IGF2BP2: variants seen among roughly 807,000 people sequenced by gnomAD.
The protein encoded by IGF2BP2 is insulin like growth factor 2 mRNA binding protein 2.
IGF2BP2 carries 17 observed loss-of-function variants against 75.8 expected under a neutral mutation model. The ratio of observed to expected loss-of-function variants is 0.22; its 90% CI spans 0.15 to 0.34. The LOEUF (loss-of-function observed/expected upper bound fraction) is 0.34, where lower values mean the gene tolerates loss of function less well. IGF2BP2 is among the 10% of genes least tolerant of loss of function. The pLI is 1.00. For synonymous variants in IGF2BP2, 288 were observed against 295.6 expected (o/e 0.97, Z 0.26); for missense variants, 516 against 772.4 (o/e 0.67, Z 3.93).
At chr3:185,696,742 A>C in intron 3 of IGF2BP2, 79 bp from the exon 4 acceptor site, 1 of 1,127,824 alleles carries the variant, frequency 8.9e-7, no homozygotes, top group East Asian at 2.3e-5. Flanking sequence ...ATACCCCAGC[A>C]AACAAATTAA....
At position 185,645,337 on chromosome 3, in the gene IGF2BP2, C is replaced by G. The variant is rs1713324738; in HGVS notation, c.*194G>C. 5.2e-6 allele frequency: 3 copies of G among 572,594 alleles called. No homozygotes were observed. The allele number at this position is 572,594 out of a possible 1,614,324, so 35.5% of individuals were successfully genotyped here. On this transcript the variant is annotated 3_prime_UTR_variant, in exon 16 of 16. Coordinates refer to ENST00000382199, the MANE Select transcript of IGF2BP2 (RefSeq NM_006548.6). This position sits in a 1 kb window ranked among gnomAD's most constrained non-coding sequence, Gnocchi z 4.9. ...GGCTCGGTGGTTCTGGCAAACCTGG[C>G]TGACCTTCCCCGCCCCTCCTCGGCC...
chr3:185,658,370 G>C lies in IGF2BP2; in HGVS notation c.1240C>G (p.Gln414Glu). The C allele has an allele frequency of 6.2e-7, 1 of 1,614,004 alleles. No homozygotes were observed. The highest frequency in any genetic ancestry group is 1.1e-5 in the South Asian group (1 of 91,068). Residue 414 changes from glutamine (Q) to glutamate (E), a missense_variant, in exon 11 of 16, where the codon CAG becomes GAG. Coordinates refer to ENST00000382199, the MANE Select transcript of IGF2BP2 (RefSeq NM_006548.6). ...TGATGATGCGGGAACGGGCCAAACT[G>C]GTGATGGGGGTACAGGCTGGAGAAG... ...GYFSSLYPHH[Q>E]FGPFPHHHSY...
chr3:185,801,806 G>C (rs994678324), intron 2 of IGF2BP2, among the ~76,000 whole-genome samples: 3 of 152,034 alleles, frequency 2.0e-5, no homozygotes, highest in Non-Finnish European at 2.9e-5. Flanking sequence ...AGAAAATGTG[G>C]CACACATACA....
Position 185,644,369 on chromosome 3 carries a change from C to T in IGF2BP2, c.*1162G>A, listed in dbSNP as rs1276104255. On this transcript the variant is annotated 3_prime_UTR_variant, in exon 16 of 16. Transcript: ENST00000382199. Reference sequence around the variant, plus strand: ...TTGCTGAATATTGATGGCTTATACACCAAAATGCAAAAAGACAAAATACAT... The same window carrying T: ...TTGCTGAATATTGATGGCTTATACATCAAAATGCAAAAAGACAAAATACAT... 4 of 152,218 alleles carry T rather than the reference C, an allele frequency of 2.6e-5. No homozygotes were observed. Among genetic ancestry groups the T allele is most frequent in the African/African-American group, 7.3e-5 (3 of 41,286 alleles). The allele number at this position is 152,218 out of a possible 1,614,324, so 9.4% of individuals were successfully genotyped here. A position where few individuals can be genotyped will look rare whatever the true frequency, so the allele number is the denominator to read the frequency against.
intron 10 of IGF2BP2, among the ~76,000 whole-genome samples, chr3:185,660,491 T>A (rs1716245621): frequency 6.6e-6 from 1 of 152,222 alleles, no homozygotes; most frequent in Non-Finnish European, 1.5e-5. Context: ...CTTGAGGAGC[T>A]GCTCCAGGGC....
intron 2 of IGF2BP2, among the ~76,000 whole-genome samples, chr3:185,774,570 G>A (rs1486394072): frequency 1.3e-5 from 2 of 150,220 alleles, no homozygotes; most frequent in Non-Finnish European, 3.0e-5. Flanking sequence ...ACTCCAGCCT[G>A]GGCAACAGAG....
intron 2 of IGF2BP2, among the ~76,000 whole-genome samples, chr3:185,699,282 T>G (rs938637013): frequency 5.9e-5 from 9 of 152,166 alleles, no homozygotes; most frequent in African/African-American, 1.4e-4. Context: ...ATCATACAGA[T>G]TCTATTTATA....
intron 2 of IGF2BP2, among the ~76,000 whole-genome samples, chr3:185,821,380 T>C (rs941215639): frequency 8.5e-5 from 13 of 152,228 alleles, no homozygotes; most frequent in African/African-American, 2.9e-4. Context: ...GATTGCTCTT[T>C]ATTTAACTTA....
At chr3:185,673,663 A>G (rs930082828) in intron 9 of IGF2BP2, among the ~76,000 whole-genome samples, 4 of 151,640 alleles carry the variant, frequency 2.6e-5, no homozygotes, top group Admixed American at 1.3e-4. Context: ...ATTTCCTAAC[A>G]TTTTCTAATC....
In IGF2BP2 at chr3:185,652,013, AAAG is replaced by A. The variant is rs761004751; in HGVS notation, c.1461+78_1461+80del. 1.9e-4 allele frequency: 217 copies of A among 1,127,316 alleles called. 1 individual carries two copies. The highest frequency in any genetic ancestry group is 2.4e-4 in the Non-Finnish European group (190 of 797,846). 69.8% of individuals were successfully genotyped at this position (1,127,316 alleles called of 1,614,324 possible). A position where few individuals can be genotyped will look rare whatever the true frequency, so the allele number is the denominator to read the frequency against. On this transcript the variant is annotated intron_variant, in intron 13 of 15. Transcript: ENST00000382199. ...GGAGGGAAATGGAGGCTGGGCCTCC[AAAG>A]AAGAGCCTTGAATGTGCCTCTGAGG...
chr3:185,701,828 C>CA (rs1723350691), intron 2 of IGF2BP2, among the ~76,000 whole-genome samples: 1 of 152,080 alleles, frequency 6.6e-6, no homozygotes, highest in Non-Finnish European at 1.5e-5. Flanking sequence ...GGAGTTCAGC[C>CA]GGTCATTTGG....
At chr3:185,661,635 C>CAAAAAAA (rs562781189) in intron 10 of IGF2BP2, among the ~76,000 whole-genome samples, 7 of 39,624 alleles carry the variant, frequency 1.8e-4, no homozygotes, top group African/African-American at 5.5e-4. Flanking sequence ...AAGACTGTCT[C>CAAAAAAA]AAAAAAAAAA....
chr3:185,781,385 T>A (rs1428375773), intron 2 of IGF2BP2, among the ~76,000 whole-genome samples: 1 of 152,142 alleles, frequency 6.6e-6, no homozygotes, highest in Non-Finnish European at 1.5e-5. Context: ...CTGTCCCGAA[T>A]AATAGGCTGA....
At chr3:185,722,154 A>AG in intron 2 of IGF2BP2, 1 of 432,358 alleles carries the variant, frequency 2.3e-6, no homozygotes, top group South Asian at 1.6e-5. Flanking sequence ...GGCTGGTCTC[A>AG]AATTCCTGGC....
intron 2 of IGF2BP2, among the ~76,000 whole-genome samples, chr3:185,740,592 T>C (rs564767255): frequency 6.6e-6 from 1 of 152,340 alleles, no homozygotes; most frequent in East Asian, 1.9e-4. Context: ...ATACCTACTC[T>C]ATGTCAAAGG....
chr3:185,762,043 ATTTGT>A (rs1281587759), intron 2 of IGF2BP2, among the ~76,000 whole-genome samples: 1 of 152,016 alleles, frequency 6.6e-6, no homozygotes, highest in Non-Finnish European at 1.5e-5. Flanking sequence ...GCTTGTTAGT[ATTTGT>A]TTTGTTAGTG....
At chr3:185,774,776 G>T (rs941552960) in intron 2 of IGF2BP2, among the ~76,000 whole-genome samples, 2 of 151,896 alleles carry the variant, frequency 1.3e-5, no homozygotes, top group African/African-American at 4.8e-5. Context: ...GACCAAGGTG[G>T]GCAGATCACA....
At chr3:185,811,828 GTGTC>G (rs1253739237) in intron 2 of IGF2BP2, among the ~76,000 whole-genome samples, 5 of 120,170 alleles carry the variant, frequency 4.2e-5, no homozygotes, top group East Asian at 4.8e-4. Flanking sequence ...TCAGAGTAGG[GTGTC>G]TCTCTCTCTC....
At chr3:185,749,771 A>AT (rs1423266874) in intron 2 of IGF2BP2, among the ~76,000 whole-genome samples, 1 of 152,202 alleles carries the variant, frequency 6.6e-6, no homozygotes, top group Non-Finnish European at 1.5e-5. Context: ...GAAAGGCACT[A>AT]TTTCAATTAA....
Sources: allele counts gnomAD v4.1 joint callset (sites outside exome capture counted in the v4.1 genomes callset), GRCh38; gene constraint gnomAD v4.1.1; non-coding constraint Gnocchi (gnomAD v3.1); transcripts MANE v1.5; gene names NCBI Gene and HGNC (gene_info 2026-07-23, HGNC 2026-07-21).